Variants in SBF2 observed in about 807,000 individuals in gnomAD.
The protein encoded by SBF2 is myotubularin-related protein 13.
Under a neutral mutation model 225.2 loss-of-function variants are expected in SBF2, and 112 were observed. The observed-to-expected ratio is 0.50, with a 90% CI of 0.43 to 0.58. The LOEUF (loss-of-function observed/expected upper bound fraction) is 0.58, where lower values mean the gene tolerates loss of function less well. Among genes scored for constraint, SBF2 ranks in the 20% least tolerant of loss-of-function variants. SBF2 has a pLI of 0.00. For synonymous variants in SBF2, 763 were observed against 773.3 expected, an observed-to-expected ratio of 0.99 and a Z score of 0.22; for missense variants, 1,996 against 2,206.2, an observed-to-expected ratio of 0.90 and a Z score of 1.91.
chr11:10,138,002 A>AAAATAAAT (rs79609358), intron 2 of SBF2, among the ~76,000 whole-genome samples: 15,098 of 150,590 alleles, frequency 0.1, 898 homozygotes, highest in Non-Finnish European at 0.12. Flanking sequence ...TCCATCTCCA[A>AAAATAAAT]AAATAAATAA....
At chr11:9,979,542 T>G (rs1946849774) in intron 13 of SBF2, among the ~76,000 whole-genome samples, 1 of 152,222 alleles carries the variant, frequency 6.6e-6, no homozygotes, top group Admixed American at 6.5e-5. Context: ...TTTAGTATAC[T>G]AATCAGGAAA....
At chr11:10,287,058 GAAC>G (rs1449775499) in intron 1 of SBF2, among the ~76,000 whole-genome samples, 1 of 152,116 alleles carries the variant, frequency 6.6e-6, no homozygotes, top group Non-Finnish European at 1.5e-5. Context: ...CAATAAAAAG[GAAC>G]AACTGCCAAT....
chr11:10,178,460 T>C (rs1188193706), intron 2 of SBF2, among the ~76,000 whole-genome samples: 1 of 145,296 alleles, frequency 6.9e-6, no homozygotes, highest in African/African-American at 2.6e-5. Flanking sequence ...AAAGGGCTAA[T>C]ATCCAGAATC....
chr11:10,278,086 CT>C (rs1963107094), intron 1 of SBF2, among the ~76,000 whole-genome samples: 1 of 152,190 alleles, frequency 6.6e-6, no homozygotes, highest in Admixed American at 6.5e-5. Flanking sequence ...ACTTTTTTAT[CT>C]TCTTAGTTAA....
chr11:9,979,214 T>C (rs1025493046), intron 13 of SBF2, among the ~76,000 whole-genome samples: 5 of 152,140 alleles, frequency 3.3e-5, no homozygotes, highest in Non-Finnish European at 7.4e-5. Context: ...CCTTACATTG[T>C]CGTTATGAGG....
At chr11:10,029,622 G>A (rs912924370) in intron 5 of SBF2, 143 bp downstream of exon 5, 40 of 704,494 alleles carry the variant, frequency 5.7e-5, no homozygotes, top group Non-Finnish European at 1.0e-4. Flanking sequence ...AGACCATGGG[G>A]ACAATGCTTA....
chr11:10,172,298 T>C (rs1331269191), intron 2 of SBF2, among the ~76,000 whole-genome samples: 1 of 152,180 alleles, frequency 6.6e-6, no homozygotes, highest in Non-Finnish European at 1.5e-5. Flanking sequence ...TAATACTGTT[T>C]TCACTATATT....
chr11:10,223,800 T>G (rs1025206463), intron 1 of SBF2, among the ~76,000 whole-genome samples: 8 of 152,096 alleles, frequency 5.3e-5, no homozygotes, highest in African/African-American at 1.9e-4. Flanking sequence ...ACTGGAGAGA[T>G]AAACTGTTCA....
chr11:10,070,659 T>C (rs192077827), intron 2 of SBF2, among the ~76,000 whole-genome samples: 176 of 152,332 alleles, frequency 1.2e-3, no homozygotes, highest in African/African-American at 3.8e-3. Context: ...TTTGGTTCCA[T>C]ATGAACTTTA....
chr11:10,060,893 T>C (rs1159536850), intron 2 of SBF2, among the ~76,000 whole-genome samples: 2 of 152,010 alleles, frequency 1.3e-5, no homozygotes, highest in Non-Finnish European at 2.9e-5. Flanking sequence ...CCAGGCGTGG[T>C]AGTGGGCACC....
intron 6 of SBF2, among the ~76,000 whole-genome samples, chr11:10,004,050 C>T (rs530396485): frequency 1.3e-5 from 2 of 152,226 alleles, no homozygotes; most frequent in Non-Finnish European, 2.9e-5. Flanking sequence ...TCCAACTTAT[C>T]CCATGTGATA....
intron 2 of SBF2, among the ~76,000 whole-genome samples, chr11:10,178,396 G>A (rs1462910193): frequency 3.5e-5 from 5 of 143,016 alleles, no homozygotes; most frequent in Non-Finnish European, 7.6e-5. Flanking sequence ...TACCATCAGA[G>A]TGAACAGGCA....
Position 10,211,014 on chromosome 11 carries a change from CAAAAAAA to C in SBF2, c.56-17034_56-17028del, listed in dbSNP as rs1230619092. Among the ~76,000 whole-genome samples the C allele has an allele frequency of 1.5e-4, 5 of 33,064 alleles. No individual in the cohort carries two copies. In the East Asian group the frequency reaches 2.3e-3, roughly 15 times the overall value. The allele number at this position is 33,064 out of a possible 152,430, so 21.7% of individuals were successfully genotyped here. On this transcript the variant is annotated intron_variant, in intron 1 of 39. Coordinates refer to ENST00000256190, the MANE Select transcript of SBF2 (RefSeq NM_030962.4). The stretch of plus-strand genomic sequence containing the variant: ...GGCGACAAGAGCAAGACTCTTGACT[CAAAAAAA>C]AAAAAAAAAAAAAAGAGCCTCTTGC...
intron 27 of SBF2, 116 bp downstream of exon 27, chr11:9,832,108 G>C: frequency 1.1e-6 from 1 of 885,450 alleles, no homozygotes; most frequent in Admixed American, 2.0e-5. Context: ...AAGTGGAAAA[G>C]TTTGTGTGTG....
chr11:9,968,482 G>A lies in SBF2; in HGVS notation c.1459C>T (p.Arg487Ter), dbSNP rs120074139. 1.2e-6 allele frequency: 2 copies of A among 1,613,978 alleles called. No homozygotes were observed. Among genetic ancestry groups the A allele is most frequent in the Non-Finnish European group, 1.7e-6 (2 of 1,179,912 alleles). ...VPRPTEGSHL[R>*]VHILPFPEIN... ...TCTGGGAAAGGAAGAATATGAACTC[G>A]CAAATGGGATCCTTCTGTTGGCCGT... The change falls in exon 14 of 40, where the codon CGA becomes TGA. Residue 487 changes from arginine (R) to a stop codon, truncating the protein, a stop_gained. Transcript: ENST00000256190. LOFTEE classifies it high-confidence loss of function.
At chr11:10,217,750 C>T (rs1958182144) in intron 1 of SBF2, among the ~76,000 whole-genome samples, 1 of 152,042 alleles carries the variant, frequency 6.6e-6, no homozygotes, top group Non-Finnish European at 1.5e-5. Flanking sequence ...GAAAGGATAA[C>T]CTCTGTACTA....
chr11:10,160,136 T>TGACA (rs1277439369), intron 2 of SBF2, among the ~76,000 whole-genome samples: 1 of 152,088 alleles, frequency 6.6e-6, no homozygotes, highest in Non-Finnish European at 1.5e-5. Flanking sequence ...TCTTTGCAGA[T>TGACA]GACATAATCT....
chr11:10,096,332 TAA>T (rs954067355), intron 2 of SBF2, among the ~76,000 whole-genome samples: 39 of 151,026 alleles, frequency 2.6e-4, no homozygotes, highest in African/African-American at 8.7e-4. Context: ...GATTGATATA[TAA>T]GATTTAGTAT....
chr11:9,803,003 T>C (rs1027933827), intron 32 of SBF2, among the ~76,000 whole-genome samples: 1 of 152,202 alleles, frequency 6.6e-6, no homozygotes, highest in African/African-American at 2.4e-5. Flanking sequence ...TCAGGCAAAT[T>C]CTTAAAAATT....
Sources: allele counts gnomAD v4.1 joint callset (sites outside exome capture counted in the v4.1 genomes callset), GRCh38; gene constraint gnomAD v4.1.1; transcripts MANE v1.5; gene names NCBI Gene and HGNC (gene_info 2026-07-23, HGNC 2026-07-21).